ATP2A2: variants seen among roughly 807,000 people sequenced by gnomAD.
ATP2A2 encodes the protein sarcoplasmic/endoplasmic reticulum calcium ATPase 2.
A neutral mutation model predicts 109.3 loss-of-function variants in ATP2A2; 14 were observed. The observed-to-expected ratio is 0.13, with a 90% CI of 0.08 to 0.20. The LOEUF is 0.20. Among genes scored for constraint, ATP2A2 ranks in the 10% least tolerant of loss-of-function variants. The probability of loss-of-function intolerance (pLI) is 1.00; values close to 1 mark genes in which losing one functional copy is unlikely to be tolerated. For missense variants in ATP2A2, 657 were observed against 1,321.6 expected (o/e 0.50, Z 7.80); for synonymous variants, 506 against 490.9 (o/e 1.03, Z -0.41).
intron 5 of ATP2A2, among the ~76,000 whole-genome samples, chr12:110,320,008 T>C (rs1877076437): frequency 6.6e-6 from 1 of 152,184 alleles, no homozygotes; most frequent in Non-Finnish European, 1.5e-5. Flanking sequence ...AATTTTAAAA[T>C]ACTGTTTCCA....
chr12:110,311,783 A>G (rs1876105791), intron 5 of ATP2A2, among the ~76,000 whole-genome samples: 1 of 151,194 alleles, frequency 6.6e-6, no homozygotes, highest in South Asian at 2.1e-4. Flanking sequence ...TATCCCTGCA[A>G]TCCTAGCATT....
chr12:110,281,787 GC>G lies in ATP2A2; in HGVS notation c.-1del. 1 of 1,511,360 alleles carries G rather than the reference GC, an allele frequency of 6.6e-7. No individual in the cohort carries two copies. The highest frequency in any genetic ancestry group is 1.3e-5 in the South Asian group (1 of 79,916). The allele number at this position is 1,511,360 out of a possible 1,614,324, so 93.6% of individuals were successfully genotyped here. On this transcript the variant is annotated 5_prime_UTR_variant, in exon 1 of 20. Coordinates refer to ENST00000539276, the MANE Select transcript of ATP2A2 (RefSeq NM_170665.4). The stretch of plus-strand genomic sequence containing the variant: ...AGGCGAGGCCGGCCGGGCCCCCGAA[GC>G]CATGGAGAACGCGCACACCAAGACG...
At chr12:110,295,358 C>T (rs904026137) in intron 4 of ATP2A2, among the ~76,000 whole-genome samples, 5 of 151,970 alleles carry the variant, frequency 3.3e-5, no homozygotes, top group African/African-American at 9.7e-5. Flanking sequence ...GACACTGTCT[C>T]GTTATGTTCA....
At chr12:110,334,270 C>T (rs952451285) in intron 11 of ATP2A2, 127 bp downstream of exon 11, 2 of 1,183,774 alleles carry the variant, frequency 1.7e-6, no homozygotes, top group Admixed American at 3.7e-5. Flanking sequence ...TACAGTATTT[C>T]CTTCCCCATA....
chr12:110,312,085 G>A (rs1876137525), intron 5 of ATP2A2, among the ~76,000 whole-genome samples: 1 of 152,040 alleles, frequency 6.6e-6, no homozygotes, highest in Admixed American at 6.5e-5. Flanking sequence ...AGGCTGAGGT[G>A]GGAGGATCAG....
chr12:110,284,735 T>G (rs1323541536), intron 3 of ATP2A2, among the ~76,000 whole-genome samples: 1 of 152,238 alleles, frequency 6.6e-6, no homozygotes, highest in Non-Finnish European at 1.5e-5. Flanking sequence ...TTTTGGTAAC[T>G]GTGGAGTTAC....
chr12:110,341,119 T>C (rs1879313089), intron 14 of ATP2A2, 125 bp downstream of exon 14: 1 of 1,058,780 alleles, frequency 9.4e-7, no homozygotes. Context: ...TTGGGTCTTT[T>C]CTCTAGAATT....
At chr12:110,304,034 T>C (rs1874978325) in intron 5 of ATP2A2, among the ~76,000 whole-genome samples, 1 of 152,244 alleles carries the variant, frequency 6.6e-6, no homozygotes, top group Admixed American at 6.5e-5. Flanking sequence ...ATTATCTGTT[T>C]TGTGGATTAC....
Position 110,349,945 on chromosome 12 carries a change from A to AC in ATP2A2, c.*3477dup, listed in dbSNP as rs1205998696. 8.3e-7 allele frequency: 1 copy of AC among 1,203,952 alleles called. No individual in the cohort carries two copies. Among genetic ancestry groups the AC allele is most frequent in the African/African-American group, 1.5e-5 (1 of 64,522 alleles). The allele number at this position is 1,203,952 out of a possible 1,614,324, so 74.6% of individuals were successfully genotyped here. A position where few individuals can be genotyped will look rare whatever the true frequency, so the allele number is the denominator to read the frequency against. ...CTACTGGCTGCTCACTTCTCCATCAACCTCACCCTCTGCACCACTAACCAA... is the reference window on the plus strand; with the variant it reads ...CTACTGGCTGCTCACTTCTCCATCAACCCTCACCCTCTGCACCACTAACCAA... On this transcript the variant is annotated 3_prime_UTR_variant, in exon 20 of 20. Transcript: ENST00000539276.
At chr12:110,318,233 C>G (rs1004237080) in intron 5 of ATP2A2, among the ~76,000 whole-genome samples, 1 of 152,174 alleles carries the variant, frequency 6.6e-6, no homozygotes, top group Non-Finnish European at 1.5e-5. Flanking sequence ...CCTTTACTTT[C>G]ATGAACCTTT....
chr12:110,339,851 C>A lies in ATP2A2; in HGVS notation c.1761+130C>A. On this transcript the variant is annotated intron_variant, in intron 13 of 19. Transcript: ENST00000539276. This position sits in a 1 kb window ranked among gnomAD's most constrained non-coding sequence, Gnocchi z 4.4. ...AGAGGTGTGGTTATTTGTTTTTCTG[C>A]CTGCCAGCTGTGTCACCCTTAAAAT... 1 of 991,480 alleles carries A rather than the reference C, an allele frequency of 1.0e-6. No homozygotes were observed. Among genetic ancestry groups the A allele is most frequent in the Non-Finnish European group, 1.5e-6 (1 of 651,432 alleles). 61.4% of individuals were successfully genotyped at this position (991,480 alleles called of 1,614,324 possible). A position where few individuals can be genotyped will look rare whatever the true frequency, so the allele number is the denominator to read the frequency against.
chr12:110,318,483 G>A (rs573761439), intron 5 of ATP2A2, among the ~76,000 whole-genome samples: 11 of 152,178 alleles, frequency 7.2e-5, no homozygotes, highest in African/African-American at 2.2e-4. Context: ...TGGCAGGTTC[G>A]TTGGTTTGTT....
intron 6 of ATP2A2, chr12:110,326,097 ATAAAT>A: frequency 2.2e-6 from 1 of 450,090 alleles, no homozygotes; most frequent in East Asian, 4.4e-5. Flanking sequence ...TTACTGAAAA[ATAAAT>A]TAATTTGAAT....
chr12:110,350,431 C>T lies in ATP2A2; in HGVS notation c.*3961C>T, dbSNP rs1247797520. 6.7e-7 allele frequency: 1 copy of T among 1,489,926 alleles called. No individual in the cohort carries two copies. The highest frequency in any genetic ancestry group is 9.3e-7 in the Non-Finnish European group (1 of 1,072,474). The allele number at this position is 1,489,926 out of a possible 1,614,324, so 92.3% of individuals were successfully genotyped here. ...GGAAAAAGAAAAGTAAAAAACTTCC[C>T]AACTCACTTTGTGTTATGTGGAGGA... On this transcript the variant is annotated 3_prime_UTR_variant, in exon 20 of 20. Transcript: ENST00000539276.
intron 5 of ATP2A2, 104 bp downstream of exon 5, chr12:110,296,841 CAATT>C (rs1309085880): frequency 9.2e-6 from 12 of 1,300,198 alleles, no homozygotes; most frequent in Admixed American, 8.6e-5. Flanking sequence ...TTTCATGTAT[CAATT>C]AACACATTTT....
Position 110,349,442 on chromosome 12 carries a change from A to G in ATP2A2, c.*2972A>G. 2.0e-6 allele frequency: 2 copies of G among 985,532 alleles called. No homozygotes were observed. The highest frequency in any genetic ancestry group is 2.4e-6 in the Non-Finnish European group (2 of 829,972). The allele number at this position is 985,532 out of a possible 1,614,324, so 61.0% of individuals were successfully genotyped here. Reference sequence around the variant, plus strand: ...CCCTTGGCCTCTCTGAGCTTTGCCCAGAAGACCAACAATCATACATACCCT... The same window carrying G: ...CCCTTGGCCTCTCTGAGCTTTGCCCGGAAGACCAACAATCATACATACCCT... On this transcript the variant is annotated 3_prime_UTR_variant, in exon 20 of 20. Coordinates refer to ENST00000539276, the MANE Select transcript of ATP2A2 (RefSeq NM_170665.4).
intron 3 of ATP2A2, among the ~76,000 whole-genome samples, chr12:110,283,867 G>A (rs962288256): frequency 1.3e-5 from 2 of 152,152 alleles, no homozygotes; most frequent in Admixed American, 6.5e-5. Context: ...GGGCTATTTT[G>A]AGAACGAAAT....
At position 110,340,757 on chromosome 12, in the gene ATP2A2, C is replaced by T. The variant is rs750244113; in HGVS notation, c.1860C>T (p.Val620=). ...TGTGCCGGCAAGCAGGCATCCGGGT[C>T]ATCATGATCACTGGGGACAACAAGG... ...VKLCRQAGIR[V]IMITGDNKGT... is the part of the protein sequence containing the mutation. The change falls in exon 14 of 20, where the codon GTC becomes GTT. Residue 620 remains valine, a synonymous_variant. Coordinates refer to ENST00000539276, the MANE Select transcript of ATP2A2 (RefSeq NM_170665.4). The surrounding 1 kb of genome is among the most constrained non-coding windows in gnomAD (Gnocchi z 6.0). 7 of 1,614,062 alleles carry T rather than the reference C, an allele frequency of 4.3e-6. No individual in the cohort carries two copies. The highest frequency in any genetic ancestry group is 3.3e-5 in the South Asian group (3 of 91,082).
At chr12:110,291,146 G>C (rs1873236037) in intron 3 of ATP2A2, among the ~76,000 whole-genome samples, 1 of 151,902 alleles carries the variant, frequency 6.6e-6, no homozygotes, top group Admixed American at 6.6e-5. Context: ...GACCTCAGGT[G>C]ATCCCCCCGC....
Sources: allele counts gnomAD v4.1 joint callset (sites outside exome capture counted in the v4.1 genomes callset), GRCh38; gene constraint gnomAD v4.1.1; non-coding constraint Gnocchi (gnomAD v3.1); transcripts MANE v1.5; gene names NCBI Gene and HGNC (gene_info 2026-07-23, HGNC 2026-07-21).